AGO2: variants seen among roughly 807,000 people sequenced by gnomAD.
AGO2 encodes protein argonaute-2.
A neutral mutation model predicts 102.3 loss-of-function variants in AGO2; 5 were observed. The observed-to-expected ratio is 0.05, with a 90% CI of 0.03 to 0.10. The LOEUF (loss-of-function observed/expected upper bound fraction) is 0.10, where lower values mean the gene tolerates loss of function less well. Ranked by LOEUF, AGO2 falls within the 10% of genes least tolerant of loss-of-function variation. The pLI is 1.00. For missense variants in AGO2, 541 were observed against 1,183.7 expected, an observed-to-expected ratio of 0.46 and a Z score of 7.97; for synonymous variants, 449 against 473.1, an observed-to-expected ratio of 0.95 and a Z score of 0.66.
intron 14 of AGO2, among the ~76,000 whole-genome samples, chr8:140,541,799 A>T (rs1345914975): frequency 6.6e-6 from 1 of 152,120 alleles, no homozygotes; most frequent in East Asian, 1.9e-4. Context: ...GCTACTCGGG[A>T]GGCTGAGGCA....
At position 140,556,321 on chromosome 8, in the gene AGO2, C is replaced by T. The variant is rs770992656; in HGVS notation, c.1027-35G>A. On this transcript the variant is annotated intron_variant, in intron 8 of 18. Transcript: ENST00000220592. ...GGACGTAGAGACAGGCCGTCAGTGC[C>T]GCACTGGAGTGACCAGGGGAGCAGG... 2.3e-5 allele frequency: 37 copies of T among 1,610,230 alleles called. No individual in the cohort carries two copies. In the East Asian group the frequency reaches 2.9e-4, roughly 13 times the overall value.
intron 10 of AGO2, among the ~76,000 whole-genome samples, chr8:140,555,082 G>A (rs2073072861): frequency 1.3e-5 from 2 of 152,182 alleles, no homozygotes; most frequent in African/African-American, 4.8e-5. Flanking sequence ...AATTCCATTA[G>A]GTAGAAACTA....
intron 1 of AGO2, among the ~76,000 whole-genome samples, chr8:140,604,914 T>C (rs902892052): frequency 6.6e-6 from 1 of 152,172 alleles, no homozygotes; most frequent in African/African-American, 2.4e-5. Flanking sequence ...TCATGGGTCA[T>C]GGAACTGTGA....
At position 140,595,886 on chromosome 8, in the gene AGO2, TA is replaced by T. The variant is rs1484114909; in HGVS notation, c.23-10576del. Among the ~76,000 whole-genome samples, 83 of 119,934 alleles carry T rather than the reference TA, an allele frequency of 6.9e-4. 12 individuals are homozygous for T. Among genetic ancestry groups the T allele is most frequent in the African/African-American group, 2.5e-3 (76 of 30,186 alleles). 78.7% of individuals were successfully genotyped at this position (119,934 alleles called of 152,430 possible). A position where few individuals can be genotyped will look rare whatever the true frequency, so the allele number is the denominator to read the frequency against. On this transcript the variant is annotated intron_variant, in intron 1 of 18. Transcript: ENST00000220592. ...ATACAATTGTATATTATATAATATA[TA>T]ATTATATATATTATGTATTATATAA...
chr8:140,578,732 G>A (rs1365751813), intron 2 of AGO2, among the ~76,000 whole-genome samples: 1 of 152,256 alleles, frequency 6.6e-6, no homozygotes, highest in Non-Finnish European at 1.5e-5. Context: ...CAAGCTGTTA[G>A]TGCTCGTTCT....
At position 140,557,028 on chromosome 8, in the gene AGO2, C is replaced by T. The variant is rs565870367; in HGVS notation, c.1026+61G>A. On this transcript the variant is annotated intron_variant, in intron 8 of 18. Transcript: ENST00000220592. This position sits in a 1 kb window ranked among gnomAD's most constrained non-coding sequence, Gnocchi z 5.9. ...CTCGGCGGTTTCTCGAAGCTGCATG[C>T]CCCAGCCTGGGACGCCGCCCTCCCA... is the stretch of plus-strand genomic sequence containing the variant. 1.7e-5 allele frequency: 27 copies of T among 1,561,758 alleles called. No individual in the cohort carries two copies. Among genetic ancestry groups the T allele is most frequent in the Non-Finnish European group, 2.3e-5 (26 of 1,152,276 alleles).
At chr8:140,599,366 A>G (rs993045466) in intron 1 of AGO2, among the ~76,000 whole-genome samples, 2 of 152,168 alleles carry the variant, frequency 1.3e-5, no homozygotes, top group Non-Finnish European at 1.5e-5. Flanking sequence ...GCCACAGCAG[A>G]AAAACGCGTG....
At chr8:140,568,103 C>CAAAAAAAAAAA (rs553804959) in intron 3 of AGO2, among the ~76,000 whole-genome samples, 15 of 110,626 alleles carry the variant, frequency 1.4e-4, no homozygotes, top group African/African-American at 2.1e-4. Flanking sequence ...ACTAAAAATA[C>CAAAAAAAAAAA]AAAAAAAAAA....
chr8:140,610,177 C>A (rs1228925148), intron 1 of AGO2, among the ~76,000 whole-genome samples: 1 of 152,064 alleles, frequency 6.6e-6, no homozygotes. Context: ...GCACTCCAGC[C>A]TGGGTGACAG....
chr8:140,581,157 C>T (rs891451291), intron 2 of AGO2, among the ~76,000 whole-genome samples: 1 of 152,258 alleles, frequency 6.6e-6, no homozygotes, highest in Non-Finnish European at 1.5e-5. Flanking sequence ...AATCCCAGCA[C>T]TTTGGGAGGC....
At chr8:140,571,508 GGAA>G (rs2073377346) in intron 3 of AGO2, among the ~76,000 whole-genome samples, 1 of 152,216 alleles carries the variant, frequency 6.6e-6, no homozygotes, top group Admixed American at 6.5e-5. Flanking sequence ...AAAAGCAAAA[GGAA>G]GAAGACTGAA....
chr8:140,549,880 G>A (rs1432334784), intron 11 of AGO2, among the ~76,000 whole-genome samples: 1 of 152,210 alleles, frequency 6.6e-6, no homozygotes, highest in Non-Finnish European at 1.5e-5. Flanking sequence ...CGGGGTGGGA[G>A]GCAGGGCAGC....
At chr8:140,544,342 C>A (rs144822617) in intron 13 of AGO2, 39 bp from the exon 14 acceptor site, 3 of 1,550,710 alleles carry the variant, frequency 1.9e-6, no homozygotes, top group Non-Finnish European at 2.6e-6. Flanking sequence ...CGGTGAGACA[C>A]GCCTGGACCT....
At position 140,617,956 on chromosome 8, in the gene AGO2, C is replaced by T. The variant is rs537222907; in HGVS notation, c.22+17529G>A. On this transcript the variant is annotated intron_variant, in intron 1 of 18. Transcript: ENST00000220592. ...CTGGGAGGTTGAGGCTGCTGTGAGCCGTGATTGCACCACTGCACTCCAGCC... is the reference window on the plus strand; with the variant it reads ...CTGGGAGGTTGAGGCTGCTGTGAGCTGTGATTGCACCACTGCACTCCAGCC... Among the ~76,000 whole-genome samples the T allele has an allele frequency of 4.0e-5, 6 of 151,584 alleles. No homozygotes were observed. The South Asian group carries it at 1.2e-3, about 31-fold the overall frequency.
At position 140,526,700 on chromosome 8, in the gene AGO2, T is replaced by C. The variant is rs1214916383; in HGVS notation, c.*5344A>G. ...AAAGGTATTTAGGAACCACCTTCTG[T>C]AGTGATTTGGCTAAGCCAATACATT... On this transcript the variant is annotated 3_prime_UTR_variant, in exon 19 of 19. Transcript: ENST00000220592. This position sits in a 1 kb window ranked among gnomAD's most constrained non-coding sequence, Gnocchi z 5.2. The C allele has an allele frequency of 2.0e-5, 3 of 152,208 alleles. No individual in the cohort carries two copies. Among genetic ancestry groups the C allele is most frequent in the Non-Finnish European group, 2.9e-5 (2 of 68,050 alleles). 9.4% of individuals were successfully genotyped at this position (152,208 alleles called of 1,614,324 possible).
chr8:140,592,421 A>G (rs1431596777), intron 1 of AGO2: 17 of 152,188 alleles, frequency 1.1e-4, no homozygotes. Context: ...TGCCTCTCCC[A>G]CTAGAATGTA....
intron 3 of AGO2, chr8:140,572,592 C>T (rs1246704662): frequency 1.9e-6 from 1 of 515,342 alleles, no homozygotes. Context: ...TTCTCGATAT[C>T]CGTGTCTGGA....
chr8:140,615,888 T>C (rs566379914), intron 1 of AGO2, among the ~76,000 whole-genome samples: 28 of 152,342 alleles, frequency 1.8e-4, no homozygotes, highest in Admixed American at 7.8e-4. Flanking sequence ...AAGCAAACAA[T>C]GGGACCAAAT....
intron 1 of AGO2, among the ~76,000 whole-genome samples, chr8:140,612,008 G>A (rs1181696742): frequency 6.6e-6 from 1 of 151,526 alleles, no homozygotes; most frequent in Non-Finnish European, 1.5e-5. Context: ...GCGATCACGA[G>A]GTCAGGAGAT....
Sources: allele counts gnomAD v4.1 joint callset (sites outside exome capture counted in the v4.1 genomes callset), GRCh38; gene constraint gnomAD v4.1.1; non-coding constraint Gnocchi (gnomAD v3.1); transcripts MANE v1.5; gene names NCBI Gene and HGNC (gene_info 2026-07-23, HGNC 2026-07-21).